The following PRELID2 variants were observed in gnomAD, a reference collection of about 807,000 sequenced individuals.
PRELID2 encodes the protein PRELI domain containing 2, also known as PRELI domain-containing protein 2.
Under a neutral mutation model 28.4 loss-of-function variants are expected in PRELID2, and 25 were observed. The observed-to-expected ratio is 0.88, with a 90% CI of 0.64 to 1.23. The LOEUF is 1.23. Among genes scored for constraint, PRELID2 ranks in the 50% most tolerant of loss-of-function variants. The pLI, the probability that PRELID2 is intolerant of heterozygous loss-of-function variation, is 0.00. For synonymous variants in PRELID2, 76 were observed against 71.6 expected, an observed-to-expected ratio of 1.06 and a Z score of -0.31; for missense variants, 201 against 214.4, an observed-to-expected ratio of 0.94 and a Z score of 0.39.
the PRELID2 span, among the ~76,000 whole-genome samples, chr5:145,418,497 G>T: frequency 6.6e-6 from 1 of 152,174 alleles, no homozygotes; most frequent in East Asian, 1.9e-4. Flanking sequence ...ATACTACAGG[G>T]CTACAGTAAC....
intron 1 of PRELID2, among the ~76,000 whole-genome samples, chr5:145,710,176 C>G (rs1755306754): frequency 6.6e-6 from 1 of 152,106 alleles, no homozygotes; most frequent in African/African-American, 2.4e-5. Flanking sequence ...ACACTGTCTA[C>G]TTTGCTTAAG....
intron 1 of PRELID2, among the ~76,000 whole-genome samples, chr5:145,533,359 T>A (rs1752671725): frequency 6.6e-6 from 1 of 151,978 alleles, no homozygotes; most frequent in African/African-American, 2.4e-5. Context: ...AGGTTCAATA[T>A]CTTGAACTCA....
chr5:145,336,083 G>A, the PRELID2 span, among the ~76,000 whole-genome samples: 1 of 152,198 alleles, frequency 6.6e-6, no homozygotes, highest in Non-Finnish European at 1.5e-5. Context: ...TTTGAGAAGT[G>A]TCTGTTCATG....
chr5:145,563,923 T>C (rs1752944112), intron 1 of PRELID2, among the ~76,000 whole-genome samples: 1 of 152,208 alleles, frequency 6.6e-6, no homozygotes, highest in Non-Finnish European at 1.5e-5. Context: ...AGATTTCAAG[T>C]GCTCTCACCA....
At chr5:145,477,631 A>G (rs900755195) in intron 1 of PRELID2, among the ~76,000 whole-genome samples, 1 of 152,200 alleles carries the variant, frequency 6.6e-6, no homozygotes, top group Non-Finnish European at 1.5e-5. Flanking sequence ...CAGTTCCCAA[A>G]GAAAACTGAA....
chr5:145,493,993 C>T lies in PRELID2; in HGVS notation n.71-20678G>A, dbSNP rs115634090. Among the ~76,000 whole-genome samples the T allele has an allele frequency of 7.6e-3, 1,161 of 152,234 alleles. 17 individuals are homozygous for T. The highest frequency in any genetic ancestry group is 0.027 in the African/African-American group (1,108 of 41,532). On this transcript the variant is annotated intron_variant and non_coding_transcript_variant, in intron 1 of 2. Transcript: ENST00000510259. ...ACATGTTTTAATTCTTTTAAAACTT[C>T]GTAAGTCGCTTGTTCACAGTGATAA...
chr5:145,600,749 A>G (rs1164287619), intron 1 of PRELID2, among the ~76,000 whole-genome samples: 1 of 152,178 alleles, frequency 6.6e-6, no homozygotes, highest in African/African-American at 2.4e-5. Context: ...GAGAATCATC[A>G]GAAACAATAA....
intron 1 of PRELID2, among the ~76,000 whole-genome samples, chr5:145,544,738 T>C (rs1012392470): frequency 5.3e-5 from 8 of 152,174 alleles, no homozygotes; most frequent in Non-Finnish European, 1.2e-4. Flanking sequence ...TGAGCTCTTA[T>C]TATGGAAGAT....
intron 1 of PRELID2, among the ~76,000 whole-genome samples, chr5:145,481,577 A>C (rs1469849083): frequency 7.2e-6 from 1 of 139,816 alleles, no homozygotes; most frequent in African/African-American, 2.7e-5. Context: ...GTCCACTTTG[A>C]CCAAAAAGGA....
At chr5:145,681,927 G>A (rs1754943554) in intron 1 of PRELID2, among the ~76,000 whole-genome samples, 1 of 152,212 alleles carries the variant, frequency 6.6e-6, no homozygotes, top group African/African-American at 2.4e-5. Flanking sequence ...TCAAGTGCCT[G>A]ATGCTACATT....
chr5:145,561,564 T>C (rs566462564), intron 1 of PRELID2, among the ~76,000 whole-genome samples: 2 of 152,342 alleles, frequency 1.3e-5, no homozygotes, highest in South Asian at 4.1e-4. Context: ...GAAGGCACTA[T>C]ATAAGTCATT....
chr5:145,634,005 A>G (rs1753967732), intron 1 of PRELID2, among the ~76,000 whole-genome samples: 1 of 152,192 alleles, frequency 6.6e-6, no homozygotes, highest in African/African-American at 2.4e-5. Context: ...ACATTGCTTA[A>G]CATGATATAA....
intron 1 of PRELID2, among the ~76,000 whole-genome samples, chr5:145,685,437 C>T (rs918017452): frequency 6.6e-6 from 1 of 152,180 alleles, no homozygotes; most frequent in Non-Finnish European, 1.5e-5. Flanking sequence ...GTTTTCAAGT[C>T]TCAGCTTGGA....
At chr5:145,411,879 G>T in the PRELID2 span, among the ~76,000 whole-genome samples, 2 of 152,172 alleles carry the variant, frequency 1.3e-5, no homozygotes, top group South Asian at 2.1e-4. Flanking sequence ...ACACCTGCAG[G>T]CTCAATACCA....
intron 1 of PRELID2, among the ~76,000 whole-genome samples, chr5:145,733,306 C>T (rs752032501): frequency 1.3e-5 from 2 of 151,872 alleles, no homozygotes; most frequent in Non-Finnish European, 2.9e-5. Context: ...CCACCTAACA[C>T]GTGAAGAATC....
the PRELID2 span, among the ~76,000 whole-genome samples, chr5:145,410,590 G>C: frequency 1.3e-5 from 2 of 152,066 alleles, no homozygotes; most frequent in Non-Finnish European, 2.9e-5. Flanking sequence ...TCTGATTGAA[G>C]GAGGAGTCCC....
At position 145,742,016 on chromosome 5, in the gene PRELID2, A is replaced by G. The variant is rs1201967040; in HGVS notation, n.70+22915T>C. ...TTATTATAAATAATAAATTTATTATAAGTAAATAAATTTATTCATTAATAA... is the reference window on the plus strand; with the variant it reads ...TTATTATAAATAATAAATTTATTATGAGTAAATAAATTTATTCATTAATAA... On this transcript the variant is annotated intron_variant and non_coding_transcript_variant, in intron 1 of 2. Transcript: ENST00000510259. 2.4e-4 allele frequency among the ~76,000 whole-genome samples: 29 copies of G among 122,562 alleles called. 1 individual carries two copies. Among genetic ancestry groups the G allele is most frequent in the Admixed American group, 1.2e-3 (14 of 11,496 alleles). 80.4% of individuals were successfully genotyped at this position (122,562 alleles called of 152,430 possible). A position where few individuals can be genotyped will look rare whatever the true frequency, so the allele number is the denominator to read the frequency against.
chr5:145,310,037 T>C, the PRELID2 span, among the ~76,000 whole-genome samples: 1 of 152,214 alleles, frequency 6.6e-6, no homozygotes, highest in Admixed American at 6.5e-5. Context: ...GACTATTTAT[T>C]ACTTATGCAG....
chr5:145,239,065 C>A, the PRELID2 span, among the ~76,000 whole-genome samples: 6 of 152,066 alleles, frequency 3.9e-5, no homozygotes, highest in East Asian at 1.2e-3. Flanking sequence ...AGCATTTTTT[C>A]TGGGACTATG....
Sources: gnomAD v4.1 joint callset for allele counts (sites outside exome capture counted in the v4.1 genomes callset) on GRCh38, gnomAD v4.1.1 for gene constraint, MANE v1.5 for transcripts, NCBI Gene and HGNC (gene_info 2026-07-23, HGNC 2026-07-21) for gene names.